The following OPCML variants were observed in gnomAD, a reference collection of about 807,000 sequenced individuals.
OPCML encodes the protein opioid binding protein/cell adhesion molecule like.
OPCML carries 13 observed loss-of-function variants against 37.8 expected under a neutral mutation model. The observed-to-expected ratio is 0.34, with a 90% confidence interval of 0.22 to 0.55. OPCML has a LOEUF of 0.55. OPCML is among the 20% of genes least tolerant of loss of function. OPCML has a pLI of 0.91. For synonymous variants in OPCML, 176 were observed against 168.8 expected (o/e 1.04, Z -0.33); for missense variants, 341 against 435.6 (o/e 0.78, Z 1.93).
At chr11:132,439,197 TAAG>T (rs2096023469) in intron 4 of OPCML, among the ~76,000 whole-genome samples, 1 of 152,060 alleles carries the variant, frequency 6.6e-6, no homozygotes. Flanking sequence ...TGGACCCACA[TAAG>T]AAGTGGCTGA....
At chr11:133,492,314 T>C (rs1319855201) in intron 1 of OPCML, among the ~76,000 whole-genome samples, 1 of 152,238 alleles carries the variant, frequency 6.6e-6, no homozygotes, top group East Asian at 1.9e-4. Context: ...TACTGAATGC[T>C]GGCCTCATAT....
intron 3 of OPCML, among the ~76,000 whole-genome samples, chr11:132,563,979 T>G (rs1163722874): frequency 1.3e-5 from 2 of 152,130 alleles, no homozygotes; most frequent in Admixed American, 1.3e-4. Context: ...ACCACTGCCA[T>G]GTGAAGAAGG....
Position 133,120,848 on chromosome 11 carries a change from G to A in OPCML, c.62-177838C>T, listed in dbSNP as rs138731679. Among the ~76,000 whole-genome samples, 7 of 152,280 alleles carry A rather than the reference G, an allele frequency of 4.6e-5. No homozygotes were observed. In the East Asian group the frequency reaches 1.4e-3, roughly 29 times the overall value. Reference sequence around the variant, plus strand: ...CAGGACCAGAGCTTCCAATGGCCAGGAAGATACTGAACACCATCAGTTCTG... The same window carrying A: ...CAGGACCAGAGCTTCCAATGGCCAGAAAGATACTGAACACCATCAGTTCTG... On this transcript the variant is annotated intron_variant, in intron 1 of 7. Coordinates refer to ENST00000524381, the MANE Select transcript of OPCML (RefSeq NM_001012393.5).
chr11:133,122,743 A>G (rs7122564), intron 1 of OPCML, among the ~76,000 whole-genome samples: 1 of 152,092 alleles, frequency 6.6e-6, no homozygotes, highest in South Asian at 2.1e-4. Flanking sequence ...TGATGCTGAC[A>G]TTCATCTCCC....
At chr11:132,709,775 C>G (rs1784178) in intron 2 of OPCML, among the ~76,000 whole-genome samples, 14,100 of 152,188 alleles carry the variant, frequency 0.093, 748 homozygotes, top group Non-Finnish European at 0.1. Context: ...AGAGGGGCAC[C>G]AAGGCTTTAT....
At chr11:133,331,537 T>A (rs1032418685) in intron 1 of OPCML, among the ~76,000 whole-genome samples, 6 of 152,342 alleles carry the variant, frequency 3.9e-5, no homozygotes, top group Non-Finnish European at 5.9e-5. Flanking sequence ...CACTCTTTTT[T>A]AAAAAGTATC....
chr11:132,484,715 A>C (rs1477772923), intron 4 of OPCML, among the ~76,000 whole-genome samples: 3 of 152,154 alleles, frequency 2.0e-5, no homozygotes, highest in African/African-American at 4.8e-5. Flanking sequence ...TGGCACATAT[A>C]CACCATGGAA....
chr11:133,516,454 G>A (rs555431850), intron 1 of OPCML, among the ~76,000 whole-genome samples: 9 of 152,278 alleles, frequency 5.9e-5, no homozygotes, highest in Non-Finnish European at 1.2e-4. Context: ...GCTGGGGCTG[G>A]ACTCCAGTCA....
intron 2 of OPCML, among the ~76,000 whole-genome samples, chr11:132,761,377 A>G (rs925606118): frequency 5.9e-5 from 9 of 151,654 alleles, no homozygotes; most frequent in African/African-American, 2.2e-4. Context: ...GGGAAGTTCT[A>G]CTGGATGATA....
At chr11:133,092,685 C>T (rs958167161) in intron 1 of OPCML, among the ~76,000 whole-genome samples, 4 of 152,164 alleles carry the variant, frequency 2.6e-5, no homozygotes, top group African/African-American at 9.7e-5. Flanking sequence ...GAGATCACCC[C>T]ACTGCACTCC....
At chr11:132,958,731 C>G (rs756120288) in intron 1 of OPCML, among the ~76,000 whole-genome samples, 5 of 152,212 alleles carry the variant, frequency 3.3e-5, no homozygotes, top group Non-Finnish European at 7.3e-5. Context: ...ATAAATGGAA[C>G]AACAGAGCCT....
At chr11:133,255,862 T>C (rs978215003) in intron 1 of OPCML, among the ~76,000 whole-genome samples, 2 of 152,214 alleles carry the variant, frequency 1.3e-5, no homozygotes, top group Non-Finnish European at 2.9e-5. Flanking sequence ...TTATTATACA[T>C]GTTTTGTCTG....
chr11:133,382,382 G>A (rs1944948651), intron 1 of OPCML, among the ~76,000 whole-genome samples: 1 of 152,180 alleles, frequency 6.6e-6, no homozygotes, highest in Non-Finnish European at 1.5e-5. Flanking sequence ...GACCTCATTC[G>A]TGAGCGATTG....
In OPCML at chr11:133,206,561, A is replaced by G. The variant is rs1939070558; in HGVS notation, c.62-263551T>C. ...TCAGAAACATTTGCATATCTAAGCC[A>G]CTAATAAATGAAGGGTAGTAGATTT... On this transcript the variant is annotated intron_variant, in intron 1 of 7. Transcript: ENST00000524381. This position sits in a 1 kb window ranked among gnomAD's most constrained non-coding sequence, Gnocchi z 4.7. Among the ~76,000 whole-genome samples, 2 of 152,208 alleles carry G rather than the reference A, an allele frequency of 1.3e-5. No individual in the cohort carries two copies. Among genetic ancestry groups the G allele is most frequent in the South Asian group, 4.1e-4 (2 of 4,832 alleles).
intron 3 of OPCML, among the ~76,000 whole-genome samples, chr11:132,656,833 T>C (rs1158852523): frequency 6.6e-6 from 1 of 152,210 alleles, no homozygotes; most frequent in East Asian, 1.9e-4. Context: ...GAGAGCTCAA[T>C]ACGAGTGCAT....
At chr11:133,125,832 A>G (rs1258982993) in intron 1 of OPCML, among the ~76,000 whole-genome samples, 2 of 146,744 alleles carry the variant, frequency 1.4e-5, no homozygotes, top group Non-Finnish European at 3.0e-5. Flanking sequence ...ATACACATGT[A>G]TATATAGACA....
intron 4 of OPCML, among the ~76,000 whole-genome samples, chr11:132,507,901 T>C (rs761895957): frequency 1.3e-5 from 2 of 151,996 alleles, no homozygotes; most frequent in Non-Finnish European, 2.9e-5. Flanking sequence ...TTTAAAATCA[T>C]ACATATGGCT....
intron 1 of OPCML, among the ~76,000 whole-genome samples, chr11:133,362,763 G>T (rs974425510): frequency 6.6e-6 from 1 of 152,080 alleles, no homozygotes; most frequent in Non-Finnish European, 1.5e-5. Context: ...GAGGAGATCC[G>T]TTCCAAACTC....
intron 1 of OPCML, among the ~76,000 whole-genome samples, chr11:133,449,988 G>A (rs1435089140): frequency 4.6e-5 from 7 of 151,612 alleles, no homozygotes; most frequent in Admixed American, 3.9e-4. Context: ...GGGAAATCTG[G>A]GAAAATGTCT....
Sources: gnomAD v4.1 joint callset for allele counts (sites outside exome capture counted in the v4.1 genomes callset) on GRCh38, gnomAD v4.1.1 for gene constraint, Gnocchi (gnomAD v3.1) non-coding constraint, MANE v1.5 for transcripts, NCBI Gene and HGNC (gene_info 2026-07-23, HGNC 2026-07-21) for gene names.